The following HAPSTR1 variants were observed in gnomAD, a reference collection of about 807,000 sequenced individuals.
The protein encoded by HAPSTR1 is HUWE1-associated protein modifying stress responses 1.
the HAPSTR1 span, among the ~76,000 whole-genome samples, chr16:9,099,929 A>G: frequency 2.0e-5 from 3 of 152,180 alleles, no homozygotes; most frequent in Non-Finnish European, 4.4e-5. Flanking sequence ...TAAATACTTC[A>G]CCATTTACAT....
the HAPSTR1 span, chr16:9,104,863 A>G: frequency 3.3e-5 from 5 of 152,318 alleles, 1 homozygote; most frequent in South Asian, 1.0e-3. Context: ...AGCGCATGGT[A>G]ATATTTGATG....
chr16:9,098,458 T>C, the HAPSTR1 span, among the ~76,000 whole-genome samples: 1 of 152,230 alleles, frequency 6.6e-6, no homozygotes, highest in African/African-American at 2.4e-5. Context: ...CCTTAGGGAA[T>C]ACGATTGGGA....
chr16:9,107,998 G>A, the HAPSTR1 span: 1 of 152,060 alleles, frequency 6.6e-6, no homozygotes, highest in African/African-American at 2.4e-5. Flanking sequence ...CTCTAGAAAG[G>A]GTTGAGGATT....
At chr16:9,114,901 C>T in the HAPSTR1 span, among the ~76,000 whole-genome samples, 3 of 152,162 alleles carry the variant, frequency 2.0e-5, no homozygotes, top group Non-Finnish European at 4.4e-5. Context: ...GAAGTATTCT[C>T]ATGTTAATGC....
At chr16:9,118,714 G>A in the HAPSTR1 span, 1 of 152,382 alleles carries the variant, frequency 6.6e-6, no homozygotes, top group Non-Finnish European at 1.5e-5. Flanking sequence ...TACAAGACAT[G>A]CGTTTGGAGT....
chr16:9,114,007 G>T, the HAPSTR1 span, among the ~76,000 whole-genome samples: 1 of 152,192 alleles, frequency 6.6e-6, no homozygotes, highest in Non-Finnish European at 1.5e-5. Context: ...ATTCGTAAGT[G>T]CCAGGCACTG....
the HAPSTR1 span, among the ~76,000 whole-genome samples, chr16:9,115,893 AGCCACTGC>A: frequency 6.6e-6 from 1 of 152,170 alleles, no homozygotes; most frequent in Non-Finnish European, 1.5e-5. Context: ...TACAGGTGTG[AGCCACTGC>A]GCCTGGCCTT....
the HAPSTR1 span, chr16:9,091,809 T>C: frequency 2.6e-6 from 1 of 392,138 alleles, no homozygotes; most frequent in East Asian, 3.7e-5. Flanking sequence ...CGCGGCGACC[T>C]TCGGCCGGGC....
the HAPSTR1 span, among the ~76,000 whole-genome samples, chr16:9,100,742 C>A: frequency 6.6e-6 from 1 of 152,056 alleles, no homozygotes; most frequent in African/African-American, 2.4e-5. Flanking sequence ...GCCATCTTGG[C>A]CAGGCTGGTC....
chr16:9,110,104 T>G, the HAPSTR1 span: 1 of 151,502 alleles, frequency 6.6e-6, no homozygotes, highest in Non-Finnish European at 1.5e-5. Context: ...GGAATCAGAT[T>G]GAGGCACCAT....
chr16:9,096,221 CAT>C, the HAPSTR1 span, among the ~76,000 whole-genome samples: 4 of 152,176 alleles, frequency 2.6e-5, no homozygotes, highest in Non-Finnish European at 4.4e-5. Context: ...TTGTGCCTGG[CAT>C]AGTGAGTGCT....
chr16:9,095,149 G>A, the HAPSTR1 span, among the ~76,000 whole-genome samples: 4 of 152,202 alleles, frequency 2.6e-5, no homozygotes, highest in Non-Finnish European at 5.9e-5. Flanking sequence ...TCTGTACAGT[G>A]AAAACACATC....
chr16:9,103,538 C>G, the HAPSTR1 span: 2 of 335,866 alleles, frequency 6.0e-6, no homozygotes, highest in Admixed American at 9.0e-5. Flanking sequence ...TCGCTTTACA[C>G]TTATGTGTTG....
the HAPSTR1 span, chr16:9,092,061 A>G: frequency 1.3e-6 from 2 of 1,528,568 alleles, no homozygotes; most frequent in East Asian, 2.6e-5. Flanking sequence ...GAGCGGAAGG[A>G]GGAGGGCGAG....
the HAPSTR1 span, among the ~76,000 whole-genome samples, chr16:9,099,783 A>G: frequency 1.3e-5 from 2 of 152,176 alleles, no homozygotes; most frequent in African/African-American, 2.4e-5. Flanking sequence ...TCCACTGTAC[A>G]CTAGTTTGTC....
At chr16:9,117,619 G>A in the HAPSTR1 span, 1 of 152,670 alleles carries the variant, frequency 6.6e-6, no homozygotes, top group South Asian at 2.1e-4. Context: ...GAGTAACCCT[G>A]TAGGCCTAAA....
the HAPSTR1 span, chr16:9,112,424 C>A: frequency 6.6e-6 from 1 of 152,248 alleles, no homozygotes; most frequent in South Asian, 2.1e-4. Context: ...GGCCCTGCAC[C>A]TGCGCTGGTG....
chr16:9,110,103 T>C, the HAPSTR1 span: 2 of 151,828 alleles, frequency 1.3e-5, no homozygotes, highest in Non-Finnish European at 2.9e-5. Flanking sequence ...GGGAATCAGA[T>C]TGAGGCACCA....
chr16:9,096,006 A>G, the HAPSTR1 span, among the ~76,000 whole-genome samples: 1 of 152,222 alleles, frequency 6.6e-6, no homozygotes, highest in African/African-American at 2.4e-5. Context: ...AATCATTTTA[A>G]TCTGGCTAGG....
Sources: gnomAD v4.1 joint callset for allele counts (sites outside exome capture counted in the v4.1 genomes callset) on GRCh38, gnomAD v4.1.1 for gene constraint, MANE v1.5 for transcripts, NCBI Gene and HGNC (gene_info 2026-07-23, HGNC 2026-07-21) for gene names.